Variants in SLC39A10 observed in about 807,000 individuals in gnomAD.
SLC39A10 encodes zinc transporter ZIP10.
In SLC39A10, 13 loss-of-function variants were observed where a neutral mutation model predicts 65.1. The ratio of observed to expected loss-of-function variants is 0.20; its 90% CI spans 0.13 to 0.32. The LOEUF (loss-of-function observed/expected upper bound fraction) is 0.32, where lower values mean the gene tolerates loss of function less well. SLC39A10 is among the 10% of genes least tolerant of loss of function. The pLI is 1.00. For missense variants in SLC39A10, 831 were observed against 1,018.4 expected (o/e 0.82, Z 2.50); for synonymous variants, 321 against 342.2 (o/e 0.94, Z 0.68).
Position 195,708,736 on chromosome 2 carries a change from G to A in SLC39A10, c.1467G>A (p.Leu489=). 1.2e-6 allele frequency: 2 copies of A among 1,613,106 alleles called. No homozygotes were observed. The highest frequency in any genetic ancestry group is 2.2e-5 in the East Asian group (1 of 44,792). The change falls in exon 5 of 10, where the codon TTG becomes TTA. Residue 489 remains leucine (L), a synonymous_variant. Coordinates refer to ENST00000359634, the MANE Select transcript of SLC39A10 (RefSeq NM_020342.3). Reference sequence around the variant, plus strand: ...ATGGACATGAATCTAACAAGTTTTTGGAAGAATATGATGCTGTATTGAAAG... The same window carrying A: ...ATGGACATGAATCTAACAAGTTTTTAGAAGAATATGATGCTGTATTGAAAG... ...HSHGHESNKF[L]EEYDAVLKGL...
At chr2:195,729,121 G>C (rs935979638) in intron 9 of SLC39A10, among the ~76,000 whole-genome samples, 1 of 151,562 alleles carries the variant, frequency 6.6e-6, no homozygotes, top group Admixed American at 6.6e-5. Flanking sequence ...ACACATACCT[G>C]CCACCACAGC....
intron 5 of SLC39A10, among the ~76,000 whole-genome samples, chr2:195,709,271 GC>G (rs1691520880): frequency 6.6e-6 from 1 of 151,846 alleles, no homozygotes; most frequent in African/African-American, 2.4e-5. Flanking sequence ...TCGCTATGTG[GC>G]CCAGGCTAGA....
chr2:195,715,412 G>C (rs773109888), intron 6 of SLC39A10, among the ~76,000 whole-genome samples: 11 of 151,160 alleles, frequency 7.3e-5, no homozygotes, highest in Non-Finnish European at 1.3e-4. Context: ...TGTAGTCCCA[G>C]TTACTCAGAT....
At position 195,728,067 on chromosome 2, in the gene SLC39A10, C is replaced by A; in HGVS notation, c.2147-92C>A. 1 of 1,149,986 alleles carries A rather than the reference C, an allele frequency of 8.7e-7. No homozygotes were observed. The highest frequency in any genetic ancestry group is 1.2e-6 in the Non-Finnish European group (1 of 810,900). The allele number at this position is 1,149,986 out of a possible 1,614,324, so 71.2% of individuals were successfully genotyped here. ...AAATACTGTTATTAAAAGTGTGTAT[C>A]TTTTTAATGCTGATTTTATTTGTTT... is the stretch of plus-strand genomic sequence containing the variant. On this transcript the variant is annotated intron_variant, in intron 8 of 9. Transcript: ENST00000359634. This position sits in a 1 kb window ranked among gnomAD's most constrained non-coding sequence, Gnocchi z 4.4.
chr2:195,703,773 C>A (rs569901152), intron 3 of SLC39A10, among the ~76,000 whole-genome samples: 1 of 152,284 alleles, frequency 6.6e-6, no homozygotes, highest in African/African-American at 2.4e-5. Flanking sequence ...CTCACCTCAG[C>A]CTCCCAAGGA....
chr2:195,617,992 G>C (rs1013237152), intron 2 of SLC39A10, among the ~76,000 whole-genome samples: 26 of 150,754 alleles, frequency 1.7e-4, no homozygotes, highest in Non-Finnish European at 3.0e-4. Context: ...GCCCACCTTG[G>C]CCTCCCAAAG....
At chr2:195,675,782 T>G (rs985954936) in intron 1 of SLC39A10, among the ~76,000 whole-genome samples, 2 of 152,194 alleles carry the variant, frequency 1.3e-5, no homozygotes, top group African/African-American at 4.8e-5. Context: ...CAAGGGTAAT[T>G]AAAATGGAAC....
rs1254246290 is a variant in SLC39A10, at chr2:195,680,712, T to A, written c.670T>A (p.Ser224Thr). The A allele has an allele frequency of 6.2e-7, 1 of 1,613,628 alleles. No homozygotes were observed. The highest frequency in any genetic ancestry group is 1.3e-5 in the African/African-American group (1 of 74,758). ...AGAGACCAATAAAACCCAGGAACAA[T>A]CTGATGTTAAACTACCGAAAGGAAA... is the stretch of plus-strand genomic sequence containing the variant. ...STETNKTQEQ[S>T]DVKLPKGKRK... The change falls in exon 2 of 10, where the codon TCT becomes ACT. Residue 224 changes from serine to threonine, a missense_variant. Physicochemically the swap from Ser to Thr is moderately conservative, Grantham distance 58 (BLOSUM62 1). Around this residue, in one of 4 missense-constraint regions of SLC39A10, gnomAD observed 446 missense variants for 499.2 expected, o/e 0.89. Coordinates refer to ENST00000359634, the MANE Select transcript of SLC39A10 (RefSeq NM_020342.3).
At chr2:195,620,071 C>T (rs1327170147) in intron 2 of SLC39A10, among the ~76,000 whole-genome samples, 1 of 152,148 alleles carries the variant, frequency 6.6e-6, no homozygotes, top group South Asian at 2.1e-4. Context: ...TACCGGTGCC[C>T]ACCACCACAC....
At chr2:195,660,893 AAGTTTGAAAGTGTTAAATTT>A (rs1335799980) in intron 1 of SLC39A10, among the ~76,000 whole-genome samples, 1 of 152,200 alleles carries the variant, frequency 6.6e-6, no homozygotes, top group Non-Finnish European at 1.5e-5. Context: ...ACTGATAATA[AAGTTTGAAAGTGTTAAATTT>A]ACATTGTGAG....
At chr2:195,656,278 C>T (rs1371122), upstream of SLC39A10, among the ~76,000 whole-genome samples, 141,756 of 152,180 alleles carry the variant, frequency 0.93, 66,225 homozygotes, top group Middle Eastern at 0.99. Context: ...AAAAATAAGA[C>T]GTCCAGAGTC....
chr2:195,671,485 T>C (rs1689855169), intron 1 of SLC39A10, among the ~76,000 whole-genome samples: 1 of 152,146 alleles, frequency 6.6e-6, no homozygotes, highest in Admixed American at 6.5e-5. Context: ...AAAAATATTA[T>C]CAATTATAAA....
intron 3 of SLC39A10, among the ~76,000 whole-genome samples, chr2:195,685,500 C>T (rs1293513025): frequency 6.6e-6 from 1 of 152,106 alleles, no homozygotes; most frequent in Non-Finnish European, 1.5e-5. Flanking sequence ...ATTCTTAACG[C>T]TCATCATTCA....
At chr2:195,666,325 G>A (rs1445712003) in intron 1 of SLC39A10, among the ~76,000 whole-genome samples, 2 of 152,168 alleles carry the variant, frequency 1.3e-5, no homozygotes, top group African/African-American at 4.8e-5. Flanking sequence ...TTAGCTGGCA[G>A]TTTTTACAAT....
intron 3 of SLC39A10, among the ~76,000 whole-genome samples, chr2:195,687,624 T>C (rs1388910945): frequency 1.3e-5 from 2 of 152,234 alleles, no homozygotes; most frequent in African/African-American, 4.8e-5. Flanking sequence ...TATGTGCTGA[T>C]AGATGCTAAT....
intron 1 of SLC39A10, among the ~76,000 whole-genome samples, chr2:195,671,426 T>C (rs7424415): frequency 0.69 from 105,544 of 152,092 alleles, 37,085 homozygotes; most frequent in Non-Finnish European, 0.73. Flanking sequence ...CCATTGATGT[T>C]GACAGCACCT....
At chr2:195,686,293 C>T (rs1690521310) in intron 3 of SLC39A10, among the ~76,000 whole-genome samples, 1 of 152,128 alleles carries the variant, frequency 6.6e-6, no homozygotes, top group Non-Finnish European at 1.5e-5. Flanking sequence ...GTAAAGTCTT[C>T]TAGGCACCTA....
chr2:195,620,923 C>T (rs534863601), intron 2 of SLC39A10, among the ~76,000 whole-genome samples: 20 of 152,288 alleles, frequency 1.3e-4, no homozygotes, highest in Admixed American at 3.3e-4. Context: ...CTTCTTGGAT[C>T]GCTCATCCAT....
chr2:195,650,997 G>A (rs1171647211), intron 2 of SLC39A10, among the ~76,000 whole-genome samples: 1 of 151,928 alleles, frequency 6.6e-6, no homozygotes, highest in Non-Finnish European at 1.5e-5. Context: ...CTTGAGCCTG[G>A]GAGGTTGAGT....
Sources: gnomAD v4.1 joint callset for allele counts (sites outside exome capture counted in the v4.1 genomes callset) on GRCh38, gnomAD v4.1.1 for gene constraint, gnomAD v4.1.1 regional missense constraint, Gnocchi (gnomAD v3.1) non-coding constraint, MANE v1.5 for transcripts, NCBI Gene and HGNC (gene_info 2026-07-23, HGNC 2026-07-21) for gene names.